The following LRP1B variants were observed in gnomAD, a reference collection of about 807,000 sequenced individuals.
LRP1B encodes LDL receptor related protein 1B, also known as low-density lipoprotein receptor-related protein 1B.
LRP1B carries 217 observed loss-of-function variants against 556.6 expected under a neutral mutation model. The observed-to-expected ratio is 0.39, with a 90% CI of 0.35 to 0.44. LRP1B has a LOEUF of 0.44. Among genes scored for constraint, LRP1B ranks in the 20% least tolerant of loss-of-function variants. The probability of loss-of-function intolerance (pLI) is 1.00; values close to 1 mark genes in which losing one functional copy is unlikely to be tolerated. For synonymous variants in LRP1B, 2,047 were observed against 1,865.8 expected, an observed-to-expected ratio of 1.10 and a Z score of -2.50; for missense variants, 5,053 against 5,620.8, an observed-to-expected ratio of 0.90 and a Z score of 3.23.
intron 41 of LRP1B, among the ~76,000 whole-genome samples, chr2:140,623,111 A>C (rs964845416): frequency 2.0e-5 from 3 of 152,198 alleles, no homozygotes; most frequent in African/African-American, 7.2e-5. Context: ...CTGATGTTTA[A>C]GCTTACATTA....
At chr2:141,573,012 C>A (rs1475552851) in intron 2 of LRP1B, among the ~76,000 whole-genome samples, 1 of 152,148 alleles carries the variant, frequency 6.6e-6, no homozygotes, top group African/African-American at 2.4e-5. Flanking sequence ...TACTTTAACA[C>A]CCACCTGTCA....
chr2:140,296,340 C>T (rs183750617), intron 84 of LRP1B, among the ~76,000 whole-genome samples: 103 of 152,118 alleles, frequency 6.8e-4, no homozygotes, highest in African/African-American at 2.3e-3. Context: ...TTCTAAAATT[C>T]GAAAAAATCT....
intron 6 of LRP1B, among the ~76,000 whole-genome samples, chr2:141,195,790 CT>C (rs1231655415): frequency 6.6e-6 from 1 of 152,050 alleles, no homozygotes; most frequent in Admixed American, 6.6e-5. Context: ...GCCTGGATCC[CT>C]TGCATTGTCC....
At chr2:141,698,926 T>C (rs919530107) in intron 2 of LRP1B, among the ~76,000 whole-genome samples, 1 of 151,866 alleles carries the variant, frequency 6.6e-6, no homozygotes, top group African/African-American at 2.4e-5. Flanking sequence ...GTTATTTTGA[T>C]GCAGGCATTG....
At chr2:141,518,540 A>C (rs536586109) in intron 2 of LRP1B, among the ~76,000 whole-genome samples, 1 of 152,288 alleles carries the variant, frequency 6.6e-6, no homozygotes, top group South Asian at 2.1e-4. Flanking sequence ...ATAAAACTTA[A>C]AGCAGAGGCT....
Position 140,951,921 on chromosome 2 carries a change from T to C in LRP1B, c.2907A>G (p.Pro969=). 6.2e-7 allele frequency: 1 copy of C among 1,613,814 alleles called. No individual in the cohort carries two copies. Among genetic ancestry groups the C allele is most frequent in the Non-Finnish European group, 8.5e-7 (1 of 1,179,712 alleles). ...MASCEFPTCE[P]LTQFVCKSGR... ...CACTTTTGCATACGAATTGGGTTAG[T>C]GGCTCACAAGTTGGGAATTCTGTGA... Residue 969 remains proline, a synonymous_variant, in exon 19 of 91, where the codon CCA becomes CCG. Coordinates refer to ENST00000389484, the MANE Select transcript of LRP1B (RefSeq NM_018557.3).
At chr2:140,666,313 C>T (rs1574214709) in intron 41 of LRP1B, among the ~76,000 whole-genome samples, 2 of 151,528 alleles carry the variant, frequency 1.3e-5, no homozygotes, top group Admixed American at 6.6e-5. Context: ...CACACACACA[C>T]ACACACACAC....
intron 16 of LRP1B, among the ~76,000 whole-genome samples, chr2:140,990,662 A>T (rs1218396100): frequency 1.3e-5 from 2 of 152,084 alleles, no homozygotes; most frequent in African/African-American, 2.4e-5. Flanking sequence ...GAAGCTGTGC[A>T]CAGCTAAGGA....
intron 7 of LRP1B, chr2:141,167,504 G>A (rs922798004): frequency 5.3e-5 from 8 of 151,470 alleles, no homozygotes; most frequent in Non-Finnish European, 1.5e-5. Flanking sequence ...CTTCTTTCCA[G>A]GCGTGGTATT....
chr2:141,212,829 A>G (rs1682624687), intron 6 of LRP1B, among the ~76,000 whole-genome samples: 1 of 152,152 alleles, frequency 6.6e-6, no homozygotes, highest in Middle Eastern at 3.2e-3. Context: ...CTTGGAAACT[A>G]CAACTTTAAG....
chr2:140,653,568 T>C (rs1009911666), intron 41 of LRP1B, among the ~76,000 whole-genome samples: 13 of 152,076 alleles, frequency 8.5e-5, no homozygotes, highest in Admixed American at 2.0e-4. Context: ...AAATAGGTAT[T>C]GGGCTGTAAA....
chr2:140,936,591 T>C (rs1695218314), intron 20 of LRP1B, among the ~76,000 whole-genome samples: 1 of 151,986 alleles, frequency 6.6e-6, no homozygotes, highest in Non-Finnish European at 1.5e-5. Context: ...CCTTAAGGTG[T>C]ATAAAGGAAT....
At chr2:141,763,437 G>A (rs1694627926) in intron 2 of LRP1B, among the ~76,000 whole-genome samples, 2 of 152,102 alleles carry the variant, frequency 1.3e-5, no homozygotes, top group South Asian at 2.1e-4. Flanking sequence ...GAAGCTCTCA[G>A]GCTGAATGCT....
intron 52 of LRP1B, among the ~76,000 whole-genome samples, chr2:140,507,691 C>T (rs1312291746): frequency 1.3e-5 from 2 of 152,086 alleles, no homozygotes; most frequent in African/African-American, 4.8e-5. Context: ...GTTTGCAAGA[C>T]TCATTTAAAT....
chr2:140,475,562 A>C (rs1165994223), intron 59 of LRP1B, among the ~76,000 whole-genome samples: 1 of 151,000 alleles, frequency 6.6e-6, no homozygotes, highest in African/African-American at 2.4e-5. Flanking sequence ...TTTATTTTAG[A>C]ACACAAACTC....
At chr2:141,346,579 C>T (rs182872566) in intron 3 of LRP1B, among the ~76,000 whole-genome samples, 8 of 152,226 alleles carry the variant, frequency 5.3e-5, no homozygotes, top group Non-Finnish European at 7.4e-5. Flanking sequence ...CATGAATGAA[C>T]TGTGTGAGGT....
At chr2:140,635,348 T>G (rs1684034944) in intron 41 of LRP1B, among the ~76,000 whole-genome samples, 1 of 152,080 alleles carries the variant, frequency 6.6e-6, no homozygotes, top group Non-Finnish European at 1.5e-5. Flanking sequence ...ATGTGAATCC[T>G]GTAGGTTTTC....
intron 1 of LRP1B, among the ~76,000 whole-genome samples, chr2:141,820,529 A>G (rs531805534): frequency 2.7e-4 from 41 of 152,344 alleles, no homozygotes; most frequent in Admixed American, 1.5e-3. Flanking sequence ...CCATCCTGAA[A>G]AAATCAGCAG....
chr2:140,338,068 G>GA (rs35692268), intron 77 of LRP1B, among the ~76,000 whole-genome samples: 11,700 of 141,980 alleles, frequency 0.082, 490 homozygotes, highest in Middle Eastern at 0.13. Context: ...TTAGAAAAAC[G>GA]AAAAAAAAAA....
Sources: allele counts gnomAD v4.1 joint callset (sites outside exome capture counted in the v4.1 genomes callset), GRCh38; gene constraint gnomAD v4.1.1; transcripts MANE v1.5; gene names NCBI Gene and HGNC (gene_info 2026-07-23, HGNC 2026-07-21).